Variants in CRB1 observed in about 807,000 individuals in gnomAD.
The protein encoded by CRB1 is crumbs cell polarity complex component 1, also known as protein crumbs homolog 1.
A neutral mutation model predicts 120.0 loss-of-function variants in CRB1; 83 were observed. The ratio of observed to expected loss-of-function variants is 0.69; its 90% CI spans 0.58 to 0.83. The LOEUF (loss-of-function observed/expected upper bound fraction) is 0.83. Ranked by LOEUF, CRB1 falls within the 40% of genes least tolerant of loss-of-function variation. The pLI is 0.00. For missense variants in CRB1, 1,699 were observed against 1,687.6 expected (o/e 1.01, Z -0.12); for synonymous variants, 625 against 612.5 (o/e 1.02, Z -0.30).
chr1:197,438,861 A>G, intron 10 of CRB1, 186 bp downstream of exon 10: 6 of 588,004 alleles, frequency 1.0e-5, no homozygotes, highest in Non-Finnish European at 1.7e-5. Context: ...AAAGGGGAGA[A>G]CATTTTATTA....
intron 11 of CRB1, among the ~76,000 whole-genome samples, chr1:197,454,835 C>T (rs181813514): frequency 6.6e-6 from 1 of 152,214 alleles, no homozygotes; most frequent in East Asian, 1.9e-4. Flanking sequence ...TTCATTCATC[C>T]ACCATTTATC....
chr1:197,383,315 T>C (rs1395101039), intron 5 of CRB1, among the ~76,000 whole-genome samples: 1 of 152,162 alleles, frequency 6.6e-6, no homozygotes, highest in Non-Finnish European at 1.5e-5. Context: ...CTCGAGATTT[T>C]CTAAGCTTCA....
At chr1:197,257,541 G>A in the CRB1 span, among the ~76,000 whole-genome samples, 2 of 151,996 alleles carry the variant, frequency 1.3e-5, no homozygotes, top group African/African-American at 4.8e-5. Flanking sequence ...AGTTTTCTTA[G>A]GCTACACAAA....
At position 197,374,445 on chromosome 1, in the gene CRB1, C is replaced by A. The variant is rs192548426; in HGVS notation, c.1171+17432C>A. The stretch of plus-strand genomic sequence containing the variant: ...GGCCCAGAGGACCCCTTTTTTCTTG[C>A]CCCCCCTGCATGCCATTGTGCTCTG... On this transcript the variant is annotated intron_variant, in intron 5 of 11. Coordinates refer to ENST00000367400, the MANE Select transcript of CRB1 (RefSeq NM_201253.3). Among the ~76,000 whole-genome samples, 18 of 151,892 alleles carry A rather than the reference C, an allele frequency of 1.2e-4. No individual in the cohort carries two copies. In the East Asian group the frequency reaches 2.7e-3, roughly 23 times the overall value.
At chr1:197,330,492 C>T (rs1558058588) in intron 2 of CRB1, among the ~76,000 whole-genome samples, 1 of 152,212 alleles carries the variant, frequency 6.6e-6, no homozygotes, top group Non-Finnish European at 1.5e-5. Context: ...TGTCCTCACA[C>T]ATTCCACCGA....
At chr1:197,425,167 T>C (rs1268956079) in intron 6 of CRB1, among the ~76,000 whole-genome samples, 1 of 152,210 alleles carries the variant, frequency 6.6e-6, no homozygotes, top group African/African-American at 2.4e-5. Context: ...CCAAATTTTC[T>C]TATTAAGCAT....
intron 5 of CRB1, among the ~76,000 whole-genome samples, chr1:197,400,502 TGTAATACACAAA>T (rs1331672911): frequency 2.0e-5 from 3 of 151,242 alleles, no homozygotes; most frequent in Non-Finnish European, 2.9e-5. Flanking sequence ...ATGATGATGA[TGTAATACACAAA>T]GACACATTTT....
intron 1 of CRB1, among the ~76,000 whole-genome samples, chr1:197,307,721 C>T (rs750866321): frequency 9.9e-5 from 15 of 152,270 alleles, no homozygotes; most frequent in Non-Finnish European, 1.8e-4. Flanking sequence ...ATGAGTTACT[C>T]ATTAATGTAT....
intron 5 of CRB1, among the ~76,000 whole-genome samples, chr1:197,409,539 CT>C (rs1663589824): frequency 6.6e-6 from 1 of 151,898 alleles, no homozygotes; most frequent in East Asian, 1.9e-4. Context: ...AGGTACTATA[CT>C]TTTTAATATT....
chr1:197,358,975 C>T (rs183445322), intron 5 of CRB1, among the ~76,000 whole-genome samples: 1 of 152,282 alleles, frequency 6.6e-6, no homozygotes, highest in Non-Finnish European at 1.5e-5. Context: ...CTAAGTTTAT[C>T]CTCCTGCCTA....
intron 1 of CRB1, among the ~76,000 whole-genome samples, chr1:197,311,747 T>G (rs1322055221): frequency 7.8e-6 from 1 of 128,606 alleles, no homozygotes; most frequent in Non-Finnish European, 1.7e-5. Context: ...GTGTGTGTGT[T>G]GAGAAGATTT....
At chr1:197,273,912 A>C (rs1484265910) in intron 1 of CRB1, among the ~76,000 whole-genome samples, 1 of 152,024 alleles carries the variant, frequency 6.6e-6, no homozygotes, top group Non-Finnish European at 1.5e-5. Context: ...ATGGTAACCA[A>C]AACCAAGATC....
chr1:197,202,930 A>G, the CRB1 span, among the ~76,000 whole-genome samples: 1 of 151,928 alleles, frequency 6.6e-6, no homozygotes, highest in Non-Finnish European at 1.5e-5. Flanking sequence ...AATTAGGTGC[A>G]AAAATCGTAG....
the CRB1 span, among the ~76,000 whole-genome samples, chr1:197,231,195 ATAAT>A: frequency 9.2e-5 from 14 of 152,312 alleles, no homozygotes; most frequent in African/African-American, 3.4e-4. Context: ...TAAATACTAA[ATAAT>A]TAGACTACAA....
intron 5 of CRB1, among the ~76,000 whole-genome samples, chr1:197,365,358 C>T (rs953322163): frequency 6.6e-6 from 1 of 152,146 alleles, no homozygotes; most frequent in Non-Finnish European, 1.5e-5. Context: ...ATCCCCTTTA[C>T]TGATCCCCCA....
At chr1:197,228,074 A>G in the CRB1 span, among the ~76,000 whole-genome samples, 1 of 152,184 alleles carries the variant, frequency 6.6e-6, no homozygotes, top group South Asian at 2.1e-4. Flanking sequence ...GGCCGGGCCC[A>G]TGAAACCATT....
At chr1:197,209,070 A>G in the CRB1 span, among the ~76,000 whole-genome samples, 2 of 152,152 alleles carry the variant, frequency 1.3e-5, no homozygotes, top group Non-Finnish European at 2.9e-5. Context: ...TCTCACTTCC[A>G]TCATGCCCTG....
chr1:197,229,579 AG>A, the CRB1 span, among the ~76,000 whole-genome samples: 1 of 152,184 alleles, frequency 6.6e-6, no homozygotes, highest in Non-Finnish European at 1.5e-5. Context: ...AGTGCCCAAC[AG>A]GTAGTTTTTC....
At chr1:197,375,930 G>T (rs753287244) in intron 5 of CRB1, among the ~76,000 whole-genome samples, 1 of 151,996 alleles carries the variant, frequency 6.6e-6, no homozygotes, top group Non-Finnish European at 1.5e-5. Flanking sequence ...TCCCCATTAA[G>T]GCAGTTTTTG....
Sources: gnomAD v4.1 joint callset for allele counts (sites outside exome capture counted in the v4.1 genomes callset) on GRCh38, gnomAD v4.1.1 for gene constraint, MANE v1.5 for transcripts, NCBI Gene and HGNC (gene_info 2026-07-23, HGNC 2026-07-21) for gene names.